The following A2M variants were observed in gnomAD, a reference collection of about 807,000 sequenced individuals.
A2M encodes C3 and PZP-like alpha-2-macroglobulin domain-containing protein 5.
A neutral mutation model predicts 183.9 loss-of-function variants in A2M; 128 were observed. The ratio of observed to expected loss-of-function variants is 0.70; its 90% CI spans 0.60 to 0.81. A2M has a LOEUF of 0.81. Among genes scored for constraint, A2M ranks in the 30% least tolerant of loss-of-function variants. The pLI, the probability that A2M is intolerant of heterozygous loss-of-function variation, is 0.00. For synonymous variants in A2M, 592 were observed against 670.8 expected, an observed-to-expected ratio of 0.88 and a Z score of 1.81; for missense variants, 1,495 against 1,787.6, an observed-to-expected ratio of 0.84 and a Z score of 2.95.
At chr12:9,084,621 C>T (rs1190156028) in intron 22 of A2M, among the ~76,000 whole-genome samples, 1 of 151,916 alleles carries the variant, frequency 6.6e-6, no homozygotes, top group Non-Finnish European at 1.5e-5. Context: ...AAAAGAGGAA[C>T]AAAGAAGCAA....
chr12:9,115,854 C>G lies in A2M; in HGVS notation c.-5G>C. On this transcript the variant is annotated 5_prime_UTR_variant, in exon 1 of 36. Transcript: ENST00000318602. ...AAGGAGTTTGTTCTTCCCCATGTTG[C>G]AGAAAGAAGGAGCTGGAGGAGAACA... 8.7e-6 allele frequency: 14 copies of G among 1,612,046 alleles called. No individual in the cohort carries two copies. The highest frequency in any genetic ancestry group is 1.2e-5 in the Non-Finnish European group (14 of 1,178,352).
chr12:9,070,850 C>T (rs1400154795), intron 31 of A2M, among the ~76,000 whole-genome samples: 3 of 146,298 alleles, frequency 2.1e-5, no homozygotes, highest in South Asian at 4.3e-4. Flanking sequence ...TGGAGTTTTT[C>T]ACTCTTCTTG....
At chr12:9,074,488 GTGTTTGTTTCTTTTTC>G (rs1316036335) in intron 29 of A2M, 56 bp downstream of exon 29, 53 of 1,389,776 alleles carry the variant, frequency 3.8e-5, no homozygotes, top group Non-Finnish European at 4.6e-5. Context: ...CTTCTTGGAT[GTGTTTGTTTCTTTTTC>G]ATTCAAATCT....
Position 9,104,279 on chromosome 12 carries a change from A to G in A2M, c.1226T>C (p.Ile409Thr), listed in dbSNP as rs1938114487. The change falls in exon 11 of 36, where the codon ATC becomes ACC. Residue 409 changes from isoleucine to threonine, a missense_variant. Transcript: ENST00000318602. ...TDEHGLVQFS[I>T]NTTNVMGTSL... ...GGTACCCATAACATTGGTGGTGTTGATAGAGAACTGTACAAGGCCATGCTC... is the reference window on the plus strand; with the variant it reads ...GGTACCCATAACATTGGTGGTGTTGGTAGAGAACTGTACAAGGCCATGCTC... The G allele has an allele frequency of 1.2e-6, 2 of 1,613,112 alleles. No homozygotes were observed. The highest frequency in any genetic ancestry group is 1.7e-5 in the Admixed American group (1 of 59,898).
rs1948685319 is a variant in A2M, at chr12:9,074,684, T to C, written c.3632A>G (p.Tyr1211Cys). 6.2e-7 allele frequency: 1 copy of C among 1,613,924 alleles called. No homozygotes were observed. ...APSAEVEMTS[Y>C]VLLAYLTAQP... ...GGCCGTGAGATAAGCGAGGAGCACATAGGATGTCATCTCCACCTCAGCAGA... is the reference window on the plus strand; with the variant it reads ...GGCCGTGAGATAAGCGAGGAGCACACAGGATGTCATCTCCACCTCAGCAGA... The change falls in exon 29 of 36, where the codon TAT becomes TGT. Residue 1211 changes from tyrosine to cysteine, a missense_variant. Physicochemically the swap from Tyr to Cys is radical, Grantham distance 194 (BLOSUM62 -2). Transcript: ENST00000318602.
chr12:9,107,311 T>C (rs226389), intron 8 of A2M, among the ~76,000 whole-genome samples: 85,004 of 151,966 alleles, frequency 0.56, 25,375 homozygotes, highest in African/African-American at 0.76. Context: ...GATGGCTCAG[T>C]GTCTATCGTT....
chr12:9,070,518 G>A lies in A2M; in HGVS notation c.4164C>T (p.Gly1388=), dbSNP rs755640015. Residue 1388 remains glycine, a synonymous_variant, in exon 32 of 36, where the codon GGC becomes GGT. Transcript: ENST00000318602. The part of the protein sequence containing the change: ...MAIVDVKMVS[G]FIPLKPTVKM... ...TCACTGTTGGCTTCAGGGGAATGAA[G>A]CCAGAGACCATCTTCACATCAACGA... 1 of 1,613,906 alleles carries A rather than the reference G, an allele frequency of 6.2e-7. No homozygotes were observed. Among genetic ancestry groups the A allele is most frequent in the Non-Finnish European group, 8.5e-7 (1 of 1,179,836 alleles).
intron 2 of A2M, 135 bp downstream of exon 2, chr12:9,113,225 T>A: frequency 1.2e-6 from 1 of 853,198 alleles, no homozygotes; most frequent in East Asian, 2.6e-5. Context: ...CCTTAATTTC[T>A]ATACTTAGTT....
intron 25 of A2M, among the ~76,000 whole-genome samples, chr12:9,079,018 G>C (rs1948827016): frequency 6.6e-6 from 1 of 151,570 alleles, no homozygotes; most frequent in Non-Finnish European, 1.5e-5. Flanking sequence ...AGAAAACCTT[G>C]GTACATTATT....
chr12:9,104,021 G>T (rs983848968), intron 11 of A2M, among the ~76,000 whole-genome samples: 1 of 152,094 alleles, frequency 6.6e-6, no homozygotes, highest in African/African-American at 2.4e-5. Context: ...GCCATTTTAC[G>T]TTCCCAGCAA....
intron 11 of A2M, among the ~76,000 whole-genome samples, chr12:9,103,831 G>A (rs1565599455): frequency 6.6e-6 from 1 of 152,172 alleles, no homozygotes; most frequent in South Asian, 2.1e-4. Context: ...CATTTGGGTA[G>A]CCTCGATCTC....
At chr12:9,096,772 T>G (rs768708724) in intron 15 of A2M, among the ~76,000 whole-genome samples, 1 of 152,330 alleles carries the variant, frequency 6.6e-6, no homozygotes, top group South Asian at 2.1e-4. Flanking sequence ...TCTCCCTGCT[T>G]TTATTGTGGC....
At chr12:9,100,687 C>A (rs895728542) in intron 13 of A2M, among the ~76,000 whole-genome samples, 1 of 152,170 alleles carries the variant, frequency 6.6e-6, no homozygotes, top group South Asian at 2.1e-4. Context: ...CCTCAACTTT[C>A]TTTTAATTAA....
intron 11 of A2M, among the ~76,000 whole-genome samples, 155 bp downstream of exon 11, chr12:9,104,084 A>G (rs1047017607): frequency 6.6e-6 from 1 of 152,218 alleles, no homozygotes; most frequent in African/African-American, 2.4e-5. Flanking sequence ...CCTTCTTTTC[A>G]TAAACTTTAA....
intron 31 of A2M, 82 bp from the exon 32 acceptor site, chr12:9,070,660 A>T: frequency 1.1e-6 from 1 of 927,494 alleles, no homozygotes; most frequent in Non-Finnish European, 1.7e-6. Flanking sequence ...TAAGCATTCC[A>T]CAGCTCTAAA....
intron 15 of A2M, among the ~76,000 whole-genome samples, chr12:9,097,725 T>C (rs888350658): frequency 6.6e-6 from 1 of 151,168 alleles, no homozygotes; most frequent in African/African-American, 2.4e-5. Context: ...CTCTGCCTCC[T>C]GGGTTCAAGT....
intron 15 of A2M, 31 bp from the exon 16 acceptor site, chr12:9,095,731 C>G (rs752802843): frequency 2.0e-6 from 1 of 510,270 alleles, no homozygotes; most frequent in Non-Finnish European, 3.3e-6. Flanking sequence ...AAAAGGCAAA[C>G]TTATTTGTGA....
chr12:9,067,781 G>A lies in A2M; in HGVS notation c.*42C>T, dbSNP rs931393194. On this transcript the variant is annotated 3_prime_UTR_variant, in exon 36 of 36. Transcript: ENST00000318602. Reference sequence around the variant, plus strand: ...AAACACGTGTCTTCTGTGGAGCTCTGAGAACAGGACTCCAGCAAAGCACTT... The same window carrying A: ...AAACACGTGTCTTCTGTGGAGCTCTAAGAACAGGACTCCAGCAAAGCACTT... 1.2e-5 allele frequency: 19 copies of A among 1,605,204 alleles called. No homozygotes were observed. The highest frequency in any genetic ancestry group is 2.2e-5 in the East Asian group (1 of 44,838).
Position 9,089,988 on chromosome 12 carries a change from CT to C in A2M, c.2631del (p.Glu878SerfsTer33), listed in dbSNP as rs1565589318. On this transcript the variant is annotated frameshift_variant, in exon 21 of 36. Transcript: ENST00000318602. LOFTEE classifies it high-confidence loss of function. Reference protein sequence around the residue: ...NVNFTVSAEALESQELCGTEV... With the variant: ...NVNFTVSAEAXESQELCGTEV... ...TCAGTCCCACACAGCTCTTGAGACTCTAGTGCCTCTGCGCTCACAGTGAAAT... is the reference window on the plus strand; with the variant it reads ...TCAGTCCCACACAGCTCTTGAGACTCAGTGCCTCTGCGCTCACAGTGAAAT... 6.2e-7 allele frequency: 1 copy of C among 1,606,014 alleles called. No homozygotes were observed. The highest frequency in any genetic ancestry group is 8.5e-7 in the Non-Finnish European group (1 of 1,173,358).
Sources: allele counts gnomAD v4.1 joint callset (sites outside exome capture counted in the v4.1 genomes callset), GRCh38; gene constraint gnomAD v4.1.1; transcripts MANE v1.5; gene names NCBI Gene and HGNC (gene_info 2026-07-23, HGNC 2026-07-21).